RALGAPA1: variants seen among roughly 807,000 people sequenced by gnomAD.
RALGAPA1 encodes Ral GTPase activating protein catalytic subunit alpha 1, also known as ral GTPase-activating protein subunit alpha-1.
In RALGAPA1, 52 loss-of-function variants were observed where a neutral mutation model predicts 269.6. That is an observed-to-expected ratio of 0.19 (90% CI 0.15 to 0.24). RALGAPA1 has a LOEUF of 0.24. RALGAPA1 is among the 10% of genes least tolerant of loss of function. The pLI is 1.00. For synonymous variants in RALGAPA1, 817 were observed against 1,008.3 expected (o/e 0.81, Z 3.60); for missense variants, 1,917 against 3,013.9 (o/e 0.64, Z 8.52).
intron 22 of RALGAPA1, among the ~76,000 whole-genome samples, 157 bp from the exon 23 acceptor site, chr14:35,674,866 CTTA>C (rs1566973580): frequency 6.6e-6 from 1 of 151,928 alleles, no homozygotes; most frequent in East Asian, 1.9e-4. Context: ...CAAAACCTCA[CTTA>C]TTATTATGAG....
intron 16 of RALGAPA1, among the ~76,000 whole-genome samples, chr14:35,703,348 C>T (rs879166041): frequency 1.3e-5 from 2 of 152,034 alleles, no homozygotes; most frequent in Admixed American, 1.3e-4. Context: ...TGTGGTGGTG[C>T]CTCCCTGTGG....
At chr14:35,759,773 A>G (rs1447918567) in intron 6 of RALGAPA1, among the ~76,000 whole-genome samples, 1 of 151,862 alleles carries the variant, frequency 6.6e-6, no homozygotes, top group East Asian at 1.9e-4. Context: ...TTAGCTGGGC[A>G]TGGTGGCACA....
chr14:35,631,720 A>AT (rs2061368860), intron 33 of RALGAPA1, among the ~76,000 whole-genome samples: 1 of 152,114 alleles, frequency 6.6e-6, no homozygotes, highest in Admixed American at 6.5e-5. Flanking sequence ...CTTAAACTCC[A>AT]TTTTTCTGTA....
At chr14:35,606,734 C>A in intron 35 of RALGAPA1, among the ~76,000 whole-genome samples, 1 of 148,920 alleles carries the variant, frequency 6.7e-6, no homozygotes, top group Non-Finnish European at 1.5e-5. Context: ...GTAAAGTTTT[C>A]ACTACTATAC....
At chr14:35,601,234 G>C (rs750070351) in intron 36 of RALGAPA1, among the ~76,000 whole-genome samples, 8 of 152,224 alleles carry the variant, frequency 5.3e-5, no homozygotes, top group Non-Finnish European at 1.0e-4. Context: ...AGGTGCCTCA[G>C]TAATATTGGT....
intron 36 of RALGAPA1, 126 bp from the exon 37 acceptor site, chr14:35,595,915 T>C (rs1346772667): frequency 1.5e-6 from 1 of 676,922 alleles, no homozygotes; most frequent in Non-Finnish European, 2.5e-6. Flanking sequence ...TCAACCAATA[T>C]TTAATCTAGA....
chr14:35,584,289 G>T (rs549673863), intron 37 of RALGAPA1, among the ~76,000 whole-genome samples: 13 of 152,010 alleles, frequency 8.6e-5, no homozygotes, highest in South Asian at 4.2e-4. Context: ...TTTTGAGACA[G>T]ATCTCACTTT....
intron 13 of RALGAPA1, among the ~76,000 whole-genome samples, chr14:35,727,491 T>C (rs1269325502): frequency 6.6e-6 from 1 of 151,610 alleles, no homozygotes; most frequent in African/African-American, 2.4e-5. Flanking sequence ...GATAAACATT[T>C]CATTTTTACA....
Position 35,757,987 on chromosome 14 carries a change from G to A in RALGAPA1, c.548-1079C>T, listed in dbSNP as rs1045836813. 4.6e-5 allele frequency among the ~76,000 whole-genome samples: 7 copies of A among 151,918 alleles called. No homozygotes were observed. In the East Asian group the frequency reaches 5.8e-4, roughly 13 times the overall value. On this transcript the variant is annotated intron_variant, in intron 6 of 41. Transcript: ENST00000680220. ...CTTTAGGCTGGGCGCAGTGGCTCAC[G>A]CCTATAATCCCAACACTTTGGGAGG...
intron 12 of RALGAPA1, among the ~76,000 whole-genome samples, chr14:35,730,910 C>T (rs137901236): frequency 2.8e-4 from 43 of 152,366 alleles, no homozygotes; most frequent in Middle Eastern, 3.4e-3. Flanking sequence ...TGTGCCACCT[C>T]CCGGCAAGAG....
chr14:35,766,866 T>G, intron 4 of RALGAPA1: 1 of 447,964 alleles, frequency 2.2e-6, no homozygotes, highest in South Asian at 1.8e-5. Context: ...CAGGATGATA[T>G]TTTTACACAG....
At chr14:35,566,318 C>T (rs953603102) in intron 39 of RALGAPA1, among the ~76,000 whole-genome samples, 4 of 152,158 alleles carry the variant, frequency 2.6e-5, no homozygotes, top group African/African-American at 9.7e-5. Flanking sequence ...ACAATCAATA[C>T]TGTCCCCATT....
rs572070052 is a variant in RALGAPA1 at position 35,708,323 on chromosome 14, A to G, written c.2267-8021T>C. ...TCAACAAAGTAAAGAGATGACCCACAGAATGGGAAAAAATATTTGCAAAGT... is the reference window on the plus strand; with the variant it reads ...TCAACAAAGTAAAGAGATGACCCACGGAATGGGAAAAAATATTTGCAAAGT... On this transcript the variant is annotated intron_variant, in intron 16 of 41. Transcript: ENST00000680220. Among the ~76,000 whole-genome samples the G allele has an allele frequency of 3.9e-5, 6 of 152,324 alleles. No individual in the cohort carries two copies. In the South Asian group the frequency reaches 1.2e-3, roughly 32 times the overall value.
intron 26 of RALGAPA1, among the ~76,000 whole-genome samples, chr14:35,668,685 A>C (rs1223383650): frequency 6.6e-6 from 1 of 152,080 alleles, no homozygotes. Flanking sequence ...GTGTGCCTAT[A>C]GTCTCAGCTA....
intron 3 of RALGAPA1, among the ~76,000 whole-genome samples, chr14:35,771,567 A>G (rs1413453792): frequency 6.6e-6 from 1 of 152,224 alleles, no homozygotes; most frequent in Non-Finnish European, 1.5e-5. Flanking sequence ...AACAAAATAC[A>G]TCTTTTACAA....
chr14:35,709,935 A>C (rs2068152392), intron 16 of RALGAPA1, among the ~76,000 whole-genome samples: 1 of 152,196 alleles, frequency 6.6e-6, no homozygotes, highest in South Asian at 2.1e-4. Flanking sequence ...TGTTTAAGGC[A>C]TGTTTTATGA....
chr14:35,662,395 G>T (rs2063599853), intron 27 of RALGAPA1, among the ~76,000 whole-genome samples: 1 of 152,124 alleles, frequency 6.6e-6, no homozygotes, highest in African/African-American at 2.4e-5. Context: ...TGATTTTGGT[G>T]AAAATGTAAA....
intron 16 of RALGAPA1, among the ~76,000 whole-genome samples, chr14:35,706,399 T>A (rs759011706): frequency 6.6e-6 from 1 of 152,202 alleles, no homozygotes; most frequent in African/African-American, 2.4e-5. Context: ...CCTTTCTCCA[T>A]TGAATTGCCT....
intron 3 of RALGAPA1, among the ~76,000 whole-genome samples, chr14:35,774,318 C>T (rs918924691): frequency 6.6e-6 from 1 of 152,004 alleles, no homozygotes; most frequent in African/African-American, 2.4e-5. Flanking sequence ...CTACAGGTCT[C>T]GAAATTCTCA....
Sources: allele counts gnomAD v4.1 joint callset (sites outside exome capture counted in the v4.1 genomes callset), GRCh38; gene constraint gnomAD v4.1.1; transcripts MANE v1.5; gene names NCBI Gene and HGNC (gene_info 2026-07-23, HGNC 2026-07-21).